PRKAR1B: variants seen among roughly 807,000 people sequenced by gnomAD.
The protein encoded by PRKAR1B is protein kinase cAMP-dependent type I regulatory subunit beta.
In PRKAR1B, 22 loss-of-function variants were observed where a neutral mutation model predicts 46.5. The observed-to-expected ratio is 0.47, with a 90% CI of 0.34 to 0.68. PRKAR1B has a LOEUF of 0.68. Ranked by LOEUF, PRKAR1B falls within the 30% of genes least tolerant of loss-of-function variation. The pLI is 0.01. For synonymous variants in PRKAR1B, 259 were observed against 217.7 expected, an observed-to-expected ratio of 1.19 and a Z score of -1.67; for missense variants, 445 against 535.6, an observed-to-expected ratio of 0.83 and a Z score of 1.67.
At chr7:584,433 T>G in intron 8 of PRKAR1B, 75 bp downstream of exon 8, 1 of 1,307,138 alleles carries the variant, frequency 7.7e-7, no homozygotes, top group Non-Finnish European at 1.1e-6. Flanking sequence ...ACGCAGGGAA[T>G]GGGGAAGAGG....
intron 2 of PRKAR1B, chr7:691,942 T>G: frequency 1.2e-6 from 1 of 805,256 alleles, no homozygotes; most frequent in South Asian, 2.9e-5. Flanking sequence ...ATCCCCAGGC[T>G]GAATCACTGG....
At chr7:633,607 T>A (rs1444813172) in intron 4 of PRKAR1B, among the ~76,000 whole-genome samples, 4 of 151,822 alleles carry the variant, frequency 2.6e-5, no homozygotes, top group Non-Finnish European at 4.4e-5. Context: ...CTACAAAAAA[T>A]TTCAAAATTA....
At chr7:604,468 C>T (rs1049005541) in intron 6 of PRKAR1B, among the ~76,000 whole-genome samples, 6 of 152,230 alleles carry the variant, frequency 3.9e-5, no homozygotes, top group African/African-American at 7.2e-5. Context: ...GCCCCAGAGG[C>T]CCTGTCTAGG....
intron 6 of PRKAR1B, among the ~76,000 whole-genome samples, chr7:599,843 G>A (rs1444069288): frequency 6.8e-6 from 1 of 147,044 alleles, no homozygotes; most frequent in South Asian, 2.2e-4. Context: ...TGGTGGGACA[G>A]GGGTGCCAGG....
intron 8 of PRKAR1B, among the ~76,000 whole-genome samples, chr7:583,630 C>T (rs1780410162): frequency 7.7e-6 from 1 of 129,774 alleles, no homozygotes; most frequent in Non-Finnish European, 1.7e-5. Flanking sequence ...ACACTCAAAC[C>T]CCCACACTCA....
chr7:600,810 A>G (rs9692462), intron 6 of PRKAR1B, among the ~76,000 whole-genome samples: 18,220 of 152,258 alleles, frequency 0.12, 1,548 homozygotes, highest in African/African-American at 0.24. Flanking sequence ...CTACGTTCCC[A>G]GGCCTGCAAA....
chr7:558,180 C>G (rs1778564485), intron 9 of PRKAR1B, among the ~76,000 whole-genome samples: 1 of 150,552 alleles, frequency 6.6e-6, no homozygotes, highest in Admixed American at 6.6e-5. Flanking sequence ...CACAAAAATG[C>G]TGGGGTGTGC....
intron 4 of PRKAR1B, among the ~76,000 whole-genome samples, chr7:634,167 C>A (rs535459330): frequency 8.5e-5 from 13 of 152,196 alleles, no homozygotes; most frequent in African/African-American, 3.1e-4. Flanking sequence ...GGATTACAGG[C>A]GCCTGCCACC....
intron 2 of PRKAR1B, among the ~76,000 whole-genome samples, chr7:684,903 G>C (rs543038287): frequency 2.3e-5 from 3 of 129,468 alleles, no homozygotes; most frequent in South Asian, 5.5e-4. Flanking sequence ...CACACACACA[G>C]AGGATGGAAG....
intron 4 of PRKAR1B, among the ~76,000 whole-genome samples, chr7:672,884 A>AT (rs1274416366): frequency 3.3e-5 from 5 of 151,020 alleles, no homozygotes; most frequent in South Asian, 2.1e-4. Flanking sequence ...AGAAAAAATA[A>AT]TTTTTTTTTA....
chr7:688,398 C>T (rs1268709661), intron 2 of PRKAR1B, among the ~76,000 whole-genome samples: 2 of 146,978 alleles, frequency 1.4e-5, no homozygotes, highest in African/African-American at 5.1e-5. Context: ...AGTGAGACTC[C>T]ATCTCAAAAA....
chr7:715,016 T>A (rs1192286862), intron 1 of PRKAR1B, among the ~76,000 whole-genome samples: 1 of 152,040 alleles, frequency 6.6e-6, no homozygotes, highest in East Asian at 1.9e-4. Context: ...CGAAACCCTG[T>A]CTCGACTAGA....
intron 3 of PRKAR1B, among the ~76,000 whole-genome samples, chr7:679,096 T>A (rs79693355): frequency 0.01 from 1,564 of 152,228 alleles, 11 homozygotes; most frequent in Non-Finnish European, 0.016. Flanking sequence ...CTCAAAAAAA[T>A]ATATATAAAT....
rs541840468 is a variant in PRKAR1B, at chr7:568,863, C to A, written c.891+10393G>T. 1.7e-3 allele frequency among the ~76,000 whole-genome samples: 263 copies of A among 152,122 alleles called. 4 individuals are homozygous for A. Among genetic ancestry groups the A allele is most frequent in the Non-Finnish European group, 5.3e-4 (36 of 68,014 alleles). On this transcript the variant is annotated intron_variant, in intron 9 of 10. Transcript: ENST00000537384. ...ATTCCACATCTGTCTCGTCTGGGAA[C>A]GCCTGCGCGGCGGTGCCCCGAGATA...
chr7:611,453 C>T (rs887771014), intron 4 of PRKAR1B, among the ~76,000 whole-genome samples: 9 of 152,256 alleles, frequency 5.9e-5, no homozygotes, highest in African/African-American at 1.9e-4. Context: ...CGGCCTGTCC[C>T]GGGTTCCAGT....
intron 8 of PRKAR1B, among the ~76,000 whole-genome samples, chr7:581,877 G>A (rs142849445): frequency 9.2e-5 from 14 of 151,792 alleles, no homozygotes; most frequent in East Asian, 1.9e-4. Flanking sequence ...CACCACACCC[G>A]GCTAACTTTT....
At chr7:618,259 T>G (rs1247890326) in intron 4 of PRKAR1B, among the ~76,000 whole-genome samples, 1 of 152,212 alleles carries the variant, frequency 6.6e-6, no homozygotes. Flanking sequence ...GACCATGCAT[T>G]TGGCAACACC....
intron 1 of PRKAR1B, among the ~76,000 whole-genome samples, chr7:715,126 G>T (rs934688328): frequency 6.6e-6 from 1 of 152,084 alleles, no homozygotes; most frequent in Non-Finnish European, 1.5e-5. Context: ...AGCCCAGATC[G>T]TACCACTGCA....
chr7:654,606 C>T (rs1486598043), intron 4 of PRKAR1B, among the ~76,000 whole-genome samples: 20 of 151,434 alleles, frequency 1.3e-4, no homozygotes, highest in African/African-American at 4.1e-4. Context: ...TTCACCATCA[C>T]CATCATCACC....
Sources: allele counts gnomAD v4.1 joint callset (sites outside exome capture counted in the v4.1 genomes callset), GRCh38; gene constraint gnomAD v4.1.1; transcripts MANE v1.5; gene names NCBI Gene and HGNC (gene_info 2026-07-23, HGNC 2026-07-21).